Variants in AUTS2 observed in about 807,000 individuals in gnomAD.
AUTS2 encodes the protein activator of transcription and developmental regulator AUTS2, also known as autism susceptibility gene 2 protein.
Under a neutral mutation model 112.4 loss-of-function variants are expected in AUTS2, and 17 were observed. The ratio of observed to expected loss-of-function variants is 0.15; its 90% CI spans 0.10 to 0.23. The LOEUF (loss-of-function observed/expected upper bound fraction) is 0.23, where lower values mean the gene tolerates loss of function less well. Ranked by LOEUF, AUTS2 falls within the 10% of genes least tolerant of loss-of-function variation. The pLI is 1.00. For synonymous variants in AUTS2, 751 were observed against 702.7 expected (o/e 1.07, Z -1.09); for missense variants, 1,510 against 1,701.6 (o/e 0.89, Z 1.98).
At chr7:70,690,000 G>A (rs1203169345) in intron 5 of AUTS2, among the ~76,000 whole-genome samples, 1 of 152,160 alleles carries the variant, frequency 6.6e-6, no homozygotes, top group Non-Finnish European at 1.5e-5. Flanking sequence ...AAAGAAGTGT[G>A]TCATCTGTAA....
Position 70,728,173 on chromosome 7 carries a change from A to G in AUTS2, c.742+29553A>G, listed in dbSNP as rs1305614412. Among the ~76,000 whole-genome samples the G allele has an allele frequency of 5.4e-5, 5 of 92,196 alleles. No individual in the cohort carries two copies. In the East Asian group the frequency reaches 5.2e-3, roughly 96 times the overall value. The allele number at this position is 92,196 out of a possible 152,430, so 60.5% of individuals were successfully genotyped here. The stretch of plus-strand genomic sequence containing the variant: ...AGCACATCGCTTATAGAAACAAATA[A>G]AAAAATTGTTTGCTTTGTGATGCTG... On this transcript the variant is annotated intron_variant, in intron 6 of 18. Transcript: ENST00000342771.
chr7:69,812,672 G>A, intron 1 of AUTS2, among the ~76,000 whole-genome samples: 1 of 151,482 alleles, frequency 6.6e-6, no homozygotes, highest in East Asian at 1.9e-4. Flanking sequence ...TCTCTATCTG[G>A]TTTTTTTTTC....
intron 1 of AUTS2, among the ~76,000 whole-genome samples, chr7:69,788,364 T>G (rs1459861256): frequency 6.6e-6 from 1 of 151,900 alleles, no homozygotes; most frequent in Admixed American, 6.6e-5. Context: ...AGGAAGAAGG[T>G]GGAAGTTACT....
chr7:69,871,810 G>T (rs1793510038), intron 1 of AUTS2, among the ~76,000 whole-genome samples: 1 of 152,142 alleles, frequency 6.6e-6, no homozygotes, highest in Admixed American at 6.5e-5. Flanking sequence ...TTAAAACTAT[G>T]AGTTGCTTAT....
chr7:69,910,285 C>T (rs950113303), intron 2 of AUTS2, among the ~76,000 whole-genome samples: 1 of 152,164 alleles, frequency 6.6e-6, no homozygotes, highest in Non-Finnish European at 1.5e-5. Flanking sequence ...CTGAGTATTG[C>T]TCATGCTCAC....
chr7:70,248,343 C>T (rs1478584643), intron 4 of AUTS2, among the ~76,000 whole-genome samples: 1 of 152,156 alleles, frequency 6.6e-6, no homozygotes, highest in Non-Finnish European at 1.5e-5. Flanking sequence ...AGATTGGCCT[C>T]AAACTCCTGA....
intron 2 of AUTS2, among the ~76,000 whole-genome samples, chr7:69,906,875 G>C (rs528449763): frequency 2.6e-4 from 40 of 152,276 alleles, no homozygotes; most frequent in Middle Eastern, 3.4e-3. Context: ...GGGAGGCTAA[G>C]GTGGGAGGAT....
chr7:69,912,296 C>T (rs1795393268), intron 2 of AUTS2, among the ~76,000 whole-genome samples: 2 of 152,250 alleles, frequency 1.3e-5, no homozygotes, highest in East Asian at 3.9e-4. Flanking sequence ...CCCCAGGCGC[C>T]TGAGAGCTCA....
At chr7:70,603,978 G>T (rs1490138191) in intron 5 of AUTS2, among the ~76,000 whole-genome samples, 1 of 152,126 alleles carries the variant, frequency 6.6e-6, no homozygotes, top group Non-Finnish European at 1.5e-5. Flanking sequence ...AGGTGATTTT[G>T]TCTGGGTTTA....
intron 2 of AUTS2, among the ~76,000 whole-genome samples, chr7:69,917,166 A>G (rs1795611286): frequency 6.6e-6 from 1 of 151,526 alleles, no homozygotes; most frequent in African/African-American, 2.4e-5. Flanking sequence ...GGCATGTGCC[A>G]CCACACCTGG....
chr7:70,521,016 C>T (rs1799621897), intron 5 of AUTS2, among the ~76,000 whole-genome samples: 1 of 152,160 alleles, frequency 6.6e-6, no homozygotes, highest in Non-Finnish European at 1.5e-5. Context: ...CCACCCCACC[C>T]CGAATTAGGA....
chr7:70,253,014 G>A (rs1025927610), intron 4 of AUTS2, among the ~76,000 whole-genome samples: 10 of 152,092 alleles, frequency 6.6e-5, no homozygotes, highest in African/African-American at 2.4e-4. Flanking sequence ...TCTAGGTAAC[G>A]TGATGTTTCT....
At chr7:70,440,151 C>G (rs369564957) in intron 5 of AUTS2, among the ~76,000 whole-genome samples, 5 of 148,174 alleles carry the variant, frequency 3.4e-5, no homozygotes, top group East Asian at 4.0e-4. Context: ...GAGGCCAAGG[C>G]AGGACAAAGT....
At chr7:70,029,650 A>G (rs1040007453) in intron 2 of AUTS2, among the ~76,000 whole-genome samples, 1 of 152,194 alleles carries the variant, frequency 6.6e-6, no homozygotes. Context: ...CGGTTGTCAT[A>G]TAGATGTACT....
At chr7:70,258,083 T>C (rs1295762827) in intron 4 of AUTS2, among the ~76,000 whole-genome samples, 1 of 152,236 alleles carries the variant, frequency 6.6e-6, no homozygotes, top group Admixed American at 6.5e-5. Flanking sequence ...TCTGCTCTAA[T>C]TTGACTGCCA....
intron 5 of AUTS2, among the ~76,000 whole-genome samples, chr7:70,620,837 C>T (rs1040518668): frequency 6.6e-5 from 10 of 152,036 alleles, no homozygotes; most frequent in Admixed American, 2.0e-4. Flanking sequence ...GTTTTGTTAC[C>T]GTCCCCTCTG....
At chr7:70,599,582 A>C (rs536627448) in intron 5 of AUTS2, among the ~76,000 whole-genome samples, 1 of 152,200 alleles carries the variant, frequency 6.6e-6, no homozygotes, top group Admixed American at 6.5e-5. Flanking sequence ...TCTCATATGC[A>C]TTATGACAGG....
At chr7:70,090,154 T>C (rs1803835596) in intron 2 of AUTS2, among the ~76,000 whole-genome samples, 1 of 151,774 alleles carries the variant, frequency 6.6e-6, no homozygotes, top group African/African-American at 2.4e-5. Context: ...TTTTAATTGT[T>C]GGTTTTGGGG....
In AUTS2 at chr7:69,747,784, G is replaced by GGTGTGTGTGTGTGT. The variant is rs10695531; in HGVS notation, c.309+147841_309+147854dup. 9.0e-3 allele frequency among the ~76,000 whole-genome samples: 1,305 copies of GGTGTGTGTGTGTGT among 144,576 alleles called. 12 individuals are homozygous for GGTGTGTGTGTGTGT. Among genetic ancestry groups the GGTGTGTGTGTGTGT allele is most frequent in the Middle Eastern group, 0.017 (5 of 290 alleles). The allele number at this position is 144,576 out of a possible 152,430, so 94.8% of individuals were successfully genotyped here. A position where few individuals can be genotyped will look rare whatever the true frequency, so the allele number is the denominator to read the frequency against. On this transcript the variant is annotated intron_variant, in intron 1 of 18. Coordinates refer to ENST00000342771, the MANE Select transcript of AUTS2 (RefSeq NM_015570.4). ...TGTGACAGACAGAGAGAAGGAGAGG[G>GGTGTGTGTGTGTGT]GTGTGTGTGTGTGTGTGTGTGTGTG...
Sources: gnomAD v4.1 joint callset for allele counts (sites outside exome capture counted in the v4.1 genomes callset) on GRCh38, gnomAD v4.1.1 for gene constraint, MANE v1.5 for transcripts, NCBI Gene and HGNC (gene_info 2026-07-23, HGNC 2026-07-21) for gene names.